FBXO15: variants seen among roughly 807,000 people sequenced by gnomAD.
FBXO15 encodes the protein F-box protein 15.
In FBXO15, 30 loss-of-function variants were observed where a neutral mutation model predicts 49.5. The ratio of observed to expected loss-of-function variants is 0.61; its 90% CI spans 0.45 to 0.82. FBXO15 has a LOEUF of 0.82. FBXO15 is among the 40% of genes least tolerant of loss of function. FBXO15 has a pLI of 0.00. For missense variants in FBXO15, 591 were observed against 631.5 expected (o/e 0.94, Z 0.69); for synonymous variants, 250 against 232.7 (o/e 1.07, Z -0.68).
chr18:74,098,619 T>G (rs1217099615), intron 8 of FBXO15: 1 of 152,142 alleles, frequency 6.6e-6, no homozygotes, highest in South Asian at 2.1e-4. Context: ...TTTGAAGATA[T>G]GTTAAATGAC....
rs970482052 is a variant in FBXO15 at position 74,082,018 on chromosome 18, A to G, written c.1172T>C (p.Val391Ala). 6.2e-7 allele frequency: 1 copy of G among 1,612,778 alleles called. No individual in the cohort carries two copies. Among genetic ancestry groups the G allele is most frequent in the Non-Finnish European group, 8.5e-7 (1 of 1,179,424 alleles). The change falls in exon 9 of 10, where the codon GTT becomes GCT. Residue 391 changes from valine (V) to alanine (A), a missense_variant. Physicochemically the swap from Val to Ala is moderately conservative, Grantham distance 64 (BLOSUM62 0). Coordinates refer to ENST00000419743, the MANE Select transcript of FBXO15 (RefSeq NM_001142958.2). Reference protein sequence around the residue: ...NIENGHVKLIVIHLKNNREHL... With the variant: ...NIENGHVKLIAIHLKNNREHL... ...TTCTCTGTTATTTTTTAAATGTATA[A>G]CAATGAGCTTCACATGTCCATTTTC...
chr18:74,094,358 T>G (rs890899833), intron 8 of FBXO15, among the ~76,000 whole-genome samples: 3 of 152,192 alleles, frequency 2.0e-5, no homozygotes, highest in African/African-American at 7.2e-5. Flanking sequence ...CCCTCCTTTC[T>G]CTTGCTCCAG....
chr18:74,119,020 C>T (rs1255817961), intron 8 of FBXO15, among the ~76,000 whole-genome samples: 2 of 152,162 alleles, frequency 1.3e-5, no homozygotes, highest in African/African-American at 4.8e-5. Context: ...AGGAAATAGG[C>T]CCCACCAGCC....
At chr18:74,132,118 GT>G (rs1477475849) in intron 3 of FBXO15, among the ~76,000 whole-genome samples, 7 of 152,282 alleles carry the variant, frequency 4.6e-5, no homozygotes, top group African/African-American at 1.7e-4. Context: ...AAGTGTTTGT[GT>G]TTTCAATTCA....
At chr18:74,085,653 C>T (rs1405409162) in intron 8 of FBXO15, among the ~76,000 whole-genome samples, 2 of 151,854 alleles carry the variant, frequency 1.3e-5, no homozygotes, top group Admixed American at 6.6e-5. Context: ...CAGAAATAGA[C>T]CTACACTTTT....
chr18:74,107,660 T>C (rs1568167324), intron 8 of FBXO15, among the ~76,000 whole-genome samples: 1 of 152,148 alleles, frequency 6.6e-6, no homozygotes, highest in Non-Finnish European at 1.5e-5. Context: ...GTCTGAGAGT[T>C]AAAAACTTCA....
At chr18:74,143,895 A>G (rs1249505617) in intron 1 of FBXO15, among the ~76,000 whole-genome samples, 1 of 152,162 alleles carries the variant, frequency 6.6e-6, no homozygotes, top group Non-Finnish European at 1.5e-5. Flanking sequence ...TTCTCTCCTT[A>G]GCACACATCA....
chr18:74,124,616 T>G (rs770170297), intron 6 of FBXO15, 45 bp from the exon 7 acceptor site: 7 of 1,515,196 alleles, frequency 4.6e-6, no homozygotes, highest in Non-Finnish European at 4.6e-6. Flanking sequence ...CCAAAATGCT[T>G]ACATTTTTCA....
At chr18:74,119,689 C>A (rs1914388759) in intron 8 of FBXO15, among the ~76,000 whole-genome samples, 1 of 152,056 alleles carries the variant, frequency 6.6e-6, no homozygotes. Context: ...CCACAGAAAG[C>A]CTGATACAGT....
chr18:74,129,818 A>G (rs1978317188), intron 4 of FBXO15, among the ~76,000 whole-genome samples: 1 of 152,204 alleles, frequency 6.6e-6, no homozygotes, highest in Non-Finnish European at 1.5e-5. Context: ...CTGAACATCC[A>G]TGATTTTCCA....
At chr18:74,081,882 T>G in intron 9 of FBXO15, 45 bp downstream of exon 9, 1 of 1,388,182 alleles carries the variant, frequency 7.2e-7, no homozygotes, top group South Asian at 1.4e-5. Context: ...TTTTATTATA[T>G]AGAAATCAAG....
At chr18:74,099,385 T>C (rs1034531674) in intron 8 of FBXO15, 3 of 152,158 alleles carry the variant, frequency 2.0e-5, no homozygotes, top group Admixed American at 2.0e-4. Flanking sequence ...TGAGAGAATT[T>C]GCCACTATCA....
chr18:74,096,191 T>C (rs1005449251), intron 8 of FBXO15, among the ~76,000 whole-genome samples: 7 of 152,028 alleles, frequency 4.6e-5, no homozygotes, highest in Admixed American at 3.9e-4. Context: ...GAAATATCCT[T>C]GAGGACAGAC....
At chr18:74,091,689 T>G (rs1237490233) in intron 8 of FBXO15, among the ~76,000 whole-genome samples, 2 of 152,224 alleles carry the variant, frequency 1.3e-5, no homozygotes, top group African/African-American at 4.8e-5. Flanking sequence ...AAAATTATTT[T>G]CTTCAAGAAT....
intron 8 of FBXO15, among the ~76,000 whole-genome samples, chr18:74,111,438 G>A (rs1914029558): frequency 1.3e-5 from 2 of 151,518 alleles, no homozygotes; most frequent in South Asian, 2.1e-4. Context: ...ATAACCCAGG[G>A]GTCAAAAAAG....
chr18:74,088,060 G>GT (rs755941234), intron 8 of FBXO15, among the ~76,000 whole-genome samples: 6 of 151,666 alleles, frequency 4.0e-5, no homozygotes, highest in East Asian at 1.9e-4. Context: ...TTTTAATGGG[G>GT]TTTTTTTTGC....
Position 74,100,178 on chromosome 18 carries a change from C to G in FBXO15, c.1139-18127G>C, listed in dbSNP as rs565830962. On this transcript the variant is annotated intron_variant, in intron 8 of 9. Coordinates refer to ENST00000419743, the MANE Select transcript of FBXO15 (RefSeq NM_001142958.2). ...CCATATGATAAGCCACAAAACAAGT[C>G]TCAATGAATTTAAGAAAACTGAAAT... The G allele has an allele frequency of 2.6e-5, 4 of 152,250 alleles. No individual in the cohort carries two copies. In the East Asian group the frequency reaches 7.7e-4, roughly 29 times the overall value. 9.4% of individuals were successfully genotyped at this position (152,250 alleles called of 1,614,324 possible).
intron 8 of FBXO15, among the ~76,000 whole-genome samples, chr18:74,109,465 A>C (rs1367935972): frequency 6.6e-6 from 1 of 152,204 alleles, no homozygotes; most frequent in African/African-American, 2.4e-5. Flanking sequence ...TTGACCCAGC[A>C]ATCCCATTAC....
chr18:74,142,265 A>G (rs988056512), intron 1 of FBXO15, among the ~76,000 whole-genome samples: 1 of 150,598 alleles, frequency 6.6e-6, no homozygotes, highest in African/African-American at 2.5e-5. Flanking sequence ...CTTTAATCAG[A>G]TAATTCTACC....
Sources: allele counts gnomAD v4.1 joint callset (sites outside exome capture counted in the v4.1 genomes callset), GRCh38; gene constraint gnomAD v4.1.1; transcripts MANE v1.5; gene names NCBI Gene and HGNC (gene_info 2026-07-23, HGNC 2026-07-21).